Variants in ZNF536 observed in about 807,000 individuals in gnomAD.
ZNF536 encodes the protein zinc finger protein 536.
ZNF536 carries 13 observed loss-of-function variants against 84.5 expected under a neutral mutation model. The observed-to-expected ratio is 0.15, with a 90% CI of 0.10 to 0.24. The LOEUF is 0.24. Among genes scored for constraint, ZNF536 ranks in the 10% least tolerant of loss-of-function variants. The probability of loss-of-function intolerance (pLI) is 1.00; values close to 1 mark genes in which losing one functional copy is unlikely to be tolerated. For missense variants in ZNF536, 1,536 were observed against 1,747.5 expected (o/e 0.88, Z 2.16); for synonymous variants, 811 against 742.5 (o/e 1.09, Z -1.50).
In ZNF536 at chr19:30,548,962, T is replaced by C. The variant is rs1568542920; in HGVS notation, c.3343T>C (p.Phe1115Leu). 1 of 1,614,030 alleles carries C rather than the reference T, an allele frequency of 6.2e-7. No homozygotes were observed. The highest frequency in any genetic ancestry group is 1.7e-5 in the Admixed American group (1 of 60,018). The change falls in exon 4 of 5, where the codon TTT becomes CTT. Residue 1115 changes from phenylalanine to leucine, a missense_variant. Physicochemically the swap from Phe to Leu is conservative, Grantham distance 22 (BLOSUM62 0). Transcript: ENST00000355537. ...CTTCCCATCAGACTTCTACAAGCAGTTTGGTGTTTACCCAGGCATGGTTGG... is the reference window on the plus strand; with the variant it reads ...CTTCCCATCAGACTTCTACAAGCAGCTTGGTGTTTACCCAGGCATGGTTGG... ...CNFPSDFYKQ[F>L]GVYPGMVGSG...
intron 1 of ZNF536, among the ~76,000 whole-genome samples, chr19:30,694,584 C>T (rs1008232155): frequency 3.9e-5 from 6 of 152,212 alleles, no homozygotes; most frequent in Non-Finnish European, 1.5e-5. Context: ...CCAGGAAGAT[C>T]TTGCCAGACC....
At chr19:30,469,420 A>G (rs1165062198) in intron 2 of ZNF536, among the ~76,000 whole-genome samples, 1 of 152,096 alleles carries the variant, frequency 6.6e-6, no homozygotes, top group Non-Finnish European at 1.5e-5. Flanking sequence ...TCAAAAAAAA[A>G]GAGAGGAAGA....
intron 2 of ZNF536, among the ~76,000 whole-genome samples, chr19:30,501,723 ACAGAGCTCATGAGGAC>A (rs2054956522): frequency 6.6e-6 from 1 of 152,218 alleles, no homozygotes; most frequent in African/African-American, 2.4e-5. Context: ...TTTATCTTGC[ACAGAGCTCATGAGGAC>A]CACACAATGG....
At chr19:30,547,475 C>T (rs2045600740) in intron 3 of ZNF536, among the ~76,000 whole-genome samples, 1 of 152,144 alleles carries the variant, frequency 6.6e-6, no homozygotes, top group Non-Finnish European at 1.5e-5. Flanking sequence ...TCATTCATTT[C>T]AGTCTTGCGT....
At chr19:30,442,059 C>T (rs1464131664) in intron 1 of ZNF536, among the ~76,000 whole-genome samples, 1 of 152,250 alleles carries the variant, frequency 6.6e-6, no homozygotes, top group Non-Finnish European at 1.5e-5. Context: ...GCTCCTGGAC[C>T]ACCTGGCTGC....
intron 2 of ZNF536, among the ~76,000 whole-genome samples, chr19:30,457,579 G>A (rs773398551): frequency 1.3e-5 from 2 of 152,188 alleles, no homozygotes; most frequent in Non-Finnish European, 1.5e-5. Context: ...TCTGGGGGAC[G>A]CAGGACAGTT....
chr19:30,347,533 A>G (rs1287293761), intron 2 of ZNF536, among the ~76,000 whole-genome samples: 1 of 152,170 alleles, frequency 6.6e-6, no homozygotes, highest in African/African-American at 2.4e-5. Flanking sequence ...TTCATTTATG[A>G]TCTCCATTCT....
intron 1 of ZNF536, among the ~76,000 whole-genome samples, chr19:30,249,977 T>C (rs12980381): frequency 0.27 from 41,340 of 152,102 alleles, 5,998 homozygotes; most frequent in East Asian, 0.4. Flanking sequence ...TCTTGCCAAG[T>C]AGAGGAGATG....
At chr19:30,324,031 A>T (rs1476317784) in intron 2 of ZNF536, among the ~76,000 whole-genome samples, 1 of 150,812 alleles carries the variant, frequency 6.6e-6, no homozygotes, top group Non-Finnish European at 1.5e-5. Context: ...CCATCCACCC[A>T]CCCATCCTCC....
chr19:30,278,015 C>T (rs16964026), intron 1 of ZNF536, among the ~76,000 whole-genome samples: 1,869 of 152,224 alleles, frequency 0.012, 32 homozygotes, highest in African/African-American at 0.043. Context: ...CTCTCCTACG[C>T]GGGCTTCGTG....
chr19:30,649,288 G>GACAAATATCATCACTTGATATTTATT (rs2049605443), intron 1 of ZNF536, among the ~76,000 whole-genome samples: 1 of 152,240 alleles, frequency 6.6e-6, no homozygotes, highest in Non-Finnish European at 1.5e-5. Context: ...TTTTGTCTGT[G>GACAAATATCATCACTTGATATTTATT]AAAGGTGACC....
intron 1 of ZNF536, among the ~76,000 whole-genome samples, chr19:30,616,120 T>C (rs1876501662): frequency 6.6e-6 from 1 of 152,238 alleles, no homozygotes; most frequent in South Asian, 2.1e-4. Context: ...TCATATCTTT[T>C]TGCAAATAAT....
At chr19:30,405,720 C>T (rs919788192) in intron 1 of ZNF536, among the ~76,000 whole-genome samples, 10 of 151,972 alleles carry the variant, frequency 6.6e-5, no homozygotes, top group African/African-American at 2.4e-4. Flanking sequence ...ATCCTGCCTA[C>T]TGGAAATTGG....
At chr19:30,292,014 A>G (rs2045857079) in intron 2 of ZNF536, among the ~76,000 whole-genome samples, 1 of 152,202 alleles carries the variant, frequency 6.6e-6, no homozygotes, top group Admixed American at 6.5e-5. Flanking sequence ...ACAAAGGCAG[A>G]GTTGGGTAGT....
chr19:30,478,310 T>C (rs2053934022), intron 2 of ZNF536, among the ~76,000 whole-genome samples: 1 of 152,208 alleles, frequency 6.6e-6, no homozygotes, highest in Non-Finnish European at 1.5e-5. Context: ...TCTTACGATC[T>C]AACTCTGCCC....
rs2045634832 is a variant in ZNF536, at chr19:30,548,300, G to A, written c.2681G>A (p.Ser894Asn). ...ALKGTDLPSK[S>N]THFSEIGRAY... ...AAAGGCACTGACCTTCCTTCCAAAAGCACCCACTTCTCTGAGATCGGAAGA... is the reference window on the plus strand; with the variant it reads ...AAAGGCACTGACCTTCCTTCCAAAAACACCCACTTCTCTGAGATCGGAAGA... The change falls in exon 4 of 5, where the codon AGC becomes AAC. Residue 894 changes from serine to asparagine, a missense_variant. By Grantham distance (46) the Ser-to-Asn change is conservative. Coordinates refer to ENST00000355537, the MANE Select transcript of ZNF536 (RefSeq NM_014717.3). 3 of 1,614,212 alleles carry A rather than the reference G, an allele frequency of 1.9e-6. No homozygotes were observed. Among genetic ancestry groups the A allele is most frequent in the Non-Finnish European group, 1.7e-6 (2 of 1,180,052 alleles).
chr19:30,447,029 C>A (rs2052384380), intron 2 of ZNF536, among the ~76,000 whole-genome samples: 1 of 152,200 alleles, frequency 6.6e-6, no homozygotes, highest in South Asian at 2.1e-4. Flanking sequence ...GGAAATCATG[C>A]CATAACAAAT....
chr19:30,358,168 T>C (rs1048730066), intron 3 of ZNF536, among the ~76,000 whole-genome samples: 2 of 152,238 alleles, frequency 1.3e-5, no homozygotes, highest in African/African-American at 4.8e-5. Flanking sequence ...CCTAGGCTTA[T>C]GGAACCCTTG....
Position 30,549,293 on chromosome 19 carries a change from T to C in ZNF536, c.3674T>C (p.Leu1225Ser), listed in dbSNP as rs2045683414. Reference sequence around the variant, plus strand: ...CCCGTCCAGGGACTGGTCTCACCTTTATCCCAAGCACCGGAGAAGCAGTGG... The same window carrying C: ...CCCGTCCAGGGACTGGTCTCACCTTCATCCCAAGCACCGGAGAAGCAGTGG... ...SQPVQGLVSP[L>S]SQAPEKQWHS... The change falls in exon 4 of 5, where the codon TTA becomes TCA. Residue 1225 changes from leucine to serine, a missense_variant. Transcript: ENST00000355537. 6.2e-7 allele frequency: 1 copy of C among 1,613,370 alleles called. No homozygotes were observed. The highest frequency in any genetic ancestry group is 8.5e-7 in the Non-Finnish European group (1 of 1,179,906).
Sources: allele counts gnomAD v4.1 joint callset (sites outside exome capture counted in the v4.1 genomes callset), GRCh38; gene constraint gnomAD v4.1.1; transcripts MANE v1.5; gene names NCBI Gene and HGNC (gene_info 2026-07-23, HGNC 2026-07-21).